PLCB4: variants seen among roughly 807,000 people sequenced by gnomAD.
PLCB4 encodes 1-phosphatidylinositol 4,5-bisphosphate phosphodiesterase beta-4.
A neutral mutation model predicts 178.8 loss-of-function variants in PLCB4; 77 were observed. That is an observed-to-expected ratio of 0.43 (90% confidence interval 0.36 to 0.52). PLCB4 has a LOEUF of 0.52. PLCB4 is among the 20% of genes least tolerant of loss of function. The pLI, the probability that PLCB4 is intolerant of heterozygous loss-of-function variation, is 0.00. For missense variants in PLCB4, 1,024 were observed against 1,453.4 expected (o/e 0.70, Z 4.80); for synonymous variants, 496 against 490.8 (o/e 1.01, Z -0.14).
chr20:9,262,195 A>G (rs1041763973), intron 3 of PLCB4, among the ~76,000 whole-genome samples: 1 of 152,182 alleles, frequency 6.6e-6, no homozygotes, highest in Non-Finnish European at 1.5e-5. Flanking sequence ...GCCATCTGAG[A>G]ACCATTAACT....
At chr20:9,405,438 G>A in intron 21 of PLCB4, 90 bp downstream of exon 21, 1 of 757,430 alleles carries the variant, frequency 1.3e-6, no homozygotes, top group Non-Finnish European at 2.1e-6. Flanking sequence ...GTGAAAAAAT[G>A]ATTAAATCCT....
chr20:9,095,803 T>A (rs992925728), intron 1 of PLCB4, among the ~76,000 whole-genome samples: 8 of 152,242 alleles, frequency 5.3e-5, no homozygotes, highest in Admixed American at 2.0e-4. Flanking sequence ...CAATAAAAAA[T>A]CAATAGAAAG....
rs1555813544 is a variant in PLCB4 at position 9,085,067 on chromosome 20, A to AAGAG, written c.-134-11217_-134-11216insGAGA. On this transcript the variant is annotated intron_variant, in intron 1 of 39. Transcript: ENST00000378473. ...GACTCCATCTCAAAAAAAAAAAAAAAAGAATATATTACTTTTTCTTTTTCC... is the reference window on the plus strand; with the variant it reads ...GACTCCATCTCAAAAAAAAAAAAAAAAGAGAGAATATATTACTTTTTCTTTTTCC... 4.3e-3 allele frequency among the ~76,000 whole-genome samples: 621 copies of AAGAG among 143,442 alleles called. 16 individuals carry two copies. Among genetic ancestry groups the AAGAG allele is most frequent in the African/African-American group, 0.015 (578 of 39,272 alleles). The allele number at this position is 143,442 out of a possible 152,430, so 94.1% of individuals were successfully genotyped here.
intron 3 of PLCB4, among the ~76,000 whole-genome samples, chr20:9,258,963 C>T (rs1352288764): frequency 6.6e-5 from 10 of 151,900 alleles, no homozygotes; most frequent in Admixed American, 5.2e-4. Flanking sequence ...ATATGGGTTT[C>T]GAGACCAGGT....
chr20:9,348,537 A>G (rs1026931308), intron 7 of PLCB4, among the ~76,000 whole-genome samples: 5 of 152,036 alleles, frequency 3.3e-5, no homozygotes, highest in African/African-American at 1.2e-4. Flanking sequence ...CAGAGATCAT[A>G]TACTACTTAG....
intron 3 of PLCB4, among the ~76,000 whole-genome samples, chr20:9,226,962 A>T (rs960057913): frequency 6.6e-6 from 1 of 151,816 alleles, no homozygotes; most frequent in Non-Finnish European, 1.5e-5. Context: ...ACCAACACTA[A>T]TTTTTTGTTT....
At chr20:9,176,312 G>T (rs973146867) in intron 2 of PLCB4, among the ~76,000 whole-genome samples, 24 of 152,224 alleles carry the variant, frequency 1.6e-4, no homozygotes, top group African/African-American at 4.8e-4. Context: ...GAACATTTGT[G>T]TACAAATATT....
At chr20:9,161,634 G>C (rs145930474) in intron 2 of PLCB4, among the ~76,000 whole-genome samples, 1 of 152,202 alleles carries the variant, frequency 6.6e-6, no homozygotes, top group African/African-American at 2.4e-5. Context: ...TTGACTCGAA[G>C]AGACAAAAGT....
At chr20:9,468,495 A>T in intron 35 of PLCB4, 76 bp from the exon 36 acceptor site, 2 of 852,598 alleles carry the variant, frequency 2.3e-6, no homozygotes. Flanking sequence ...CATTTTCCCC[A>T]GGTGAATCTC....
intron 2 of PLCB4, among the ~76,000 whole-genome samples, chr20:9,164,284 T>C (rs1025046652): frequency 2.6e-5 from 4 of 152,170 alleles, no homozygotes; most frequent in African/African-American, 7.2e-5. Flanking sequence ...ATAGTGTTAT[T>C]ATGATGTGTA....
At chr20:9,245,918 C>T (rs1054182246) in intron 3 of PLCB4, among the ~76,000 whole-genome samples, 12 of 152,028 alleles carry the variant, frequency 7.9e-5, no homozygotes, top group African/African-American at 2.9e-4. Context: ...AGGTGTGAGC[C>T]ACAGCACACG....
rs144374743 is a variant in PLCB4, at chr20:9,369,389, G to T, written c.504-1825G>T. ...TATGAAATAATAGTCACCCTGAACA[G>T]CTACTTTCCCCTAAATTAAAAAGGC... On this transcript the variant is annotated intron_variant, in intron 9 of 39. Coordinates refer to ENST00000378473, the MANE Select transcript of PLCB4 (RefSeq NM_001377142.1). Among the ~76,000 whole-genome samples the T allele has an allele frequency of 1.2e-4, 18 of 152,210 alleles. No homozygotes were observed. The East Asian group carries it at 2.5e-3, about 21-fold the overall frequency.
At chr20:9,252,927 C>G (rs1344762058) in intron 3 of PLCB4, among the ~76,000 whole-genome samples, 1 of 152,132 alleles carries the variant, frequency 6.6e-6, no homozygotes, top group Non-Finnish European at 1.5e-5. Flanking sequence ...AGGAGTGACA[C>G]CACTGGCTTT....
At chr20:9,322,365 A>G (rs2094971130) in intron 4 of PLCB4, among the ~76,000 whole-genome samples, 1 of 152,214 alleles carries the variant, frequency 6.6e-6, no homozygotes, top group Non-Finnish European at 1.5e-5. Flanking sequence ...AAATATTGTC[A>G]GCGAGAAAGC....
chr20:9,136,826 T>G (rs1268727750), intron 2 of PLCB4, among the ~76,000 whole-genome samples: 1 of 152,160 alleles, frequency 6.6e-6, no homozygotes, highest in Non-Finnish European at 1.5e-5. Flanking sequence ...GTGTTGGATA[T>G]TCTGTTTGCC....
At chr20:9,410,894 A>G (rs2039810165) in intron 24 of PLCB4, 143 bp from the exon 25 acceptor site, 2 of 621,844 alleles carry the variant, frequency 3.2e-6, no homozygotes, top group Non-Finnish European at 5.7e-6. Flanking sequence ...AGTATGCCTT[A>G]AATAGACCAA....
chr20:9,163,579 T>A (rs1429414667), intron 2 of PLCB4, among the ~76,000 whole-genome samples: 1 of 152,122 alleles, frequency 6.6e-6, no homozygotes, highest in Non-Finnish European at 1.5e-5. Flanking sequence ...TATATTCTGT[T>A]TTTTCTTTTT....
At chr20:9,331,335 T>A (rs1415173784) in intron 4 of PLCB4, among the ~76,000 whole-genome samples, 1 of 152,240 alleles carries the variant, frequency 6.6e-6, no homozygotes, top group African/African-American at 2.4e-5. Context: ...GCTTTTATGA[T>A]CTGGTCCAAA....
chr20:9,446,232 A>G (rs1251135785), intron 32 of PLCB4, among the ~76,000 whole-genome samples: 2 of 152,226 alleles, frequency 1.3e-5, no homozygotes, highest in East Asian at 3.9e-4. Flanking sequence ...AGGAAGCAGC[A>G]TAGCTGATAT....
Sources: gnomAD v4.1 joint callset for allele counts (sites outside exome capture counted in the v4.1 genomes callset) on GRCh38, gnomAD v4.1.1 for gene constraint, MANE v1.5 for transcripts, NCBI Gene and HGNC (gene_info 2026-07-23, HGNC 2026-07-21) for gene names.